INPP5D: variants seen among roughly 807,000 people sequenced by gnomAD.
The protein encoded by INPP5D is phosphatidylinositol 3,4,5-trisphosphate 5-phosphatase 1.
Under a neutral mutation model 122.9 loss-of-function variants are expected in INPP5D, and 33 were observed. The ratio of observed to expected loss-of-function variants is 0.27; its 90% CI spans 0.20 to 0.36. The LOEUF (loss-of-function observed/expected upper bound fraction) is 0.36. Among genes scored for constraint, INPP5D ranks in the 10% least tolerant of loss-of-function variants. The pLI, the probability that INPP5D is intolerant of heterozygous loss-of-function variation, is 1.00. For missense variants in INPP5D, 1,053 were observed against 1,412.7 expected (o/e 0.75, Z 4.08); for synonymous variants, 584 against 576.2 (o/e 1.01, Z -0.19).
chr2:233,067,097 C>T (rs116779412), intron 1 of INPP5D, among the ~76,000 whole-genome samples: 8,450 of 152,206 alleles, frequency 0.056, 622 homozygotes, highest in African/African-American at 0.17. Flanking sequence ...AATTCTTTAT[C>T]GTGCTTTTAG....
chr2:233,064,995 C>T (rs953901968), intron 1 of INPP5D, among the ~76,000 whole-genome samples: 1 of 152,242 alleles, frequency 6.6e-6, no homozygotes, highest in Non-Finnish European at 1.5e-5. Context: ...TGACATCTGG[C>T]TCACACCAGA....
At chr2:233,061,822 C>T (rs922576567) in intron 1 of INPP5D, among the ~76,000 whole-genome samples, 6 of 152,244 alleles carry the variant, frequency 3.9e-5, no homozygotes, top group African/African-American at 1.4e-4. Context: ...GTGGCCCAAC[C>T]TCTCCTGCTC....
At chr2:233,085,686 G>C (rs1277108062) in intron 2 of INPP5D, among the ~76,000 whole-genome samples, 1 of 152,026 alleles carries the variant, frequency 6.6e-6, no homozygotes, top group Non-Finnish European at 1.5e-5. Context: ...AGAAAGCCAA[G>C]CCTCCCCCCG....
At chr2:233,101,722 TATATA>T (rs1406775912) in intron 2 of INPP5D, among the ~76,000 whole-genome samples, 1 of 146,154 alleles carries the variant, frequency 6.8e-6, no homozygotes, top group African/African-American at 2.5e-5. Context: ...ATATATATTA[TATATA>T]ATATAAATAT....
intron 1 of INPP5D, among the ~76,000 whole-genome samples, chr2:233,067,487 T>C (rs1691261374): frequency 6.6e-6 from 1 of 152,364 alleles, no homozygotes; most frequent in Middle Eastern, 3.4e-3. Context: ...CTATAATGAA[T>C]AATGCTGTGA....
chr2:233,133,922 G>A, intron 5 of INPP5D: 1 of 455,564 alleles, frequency 2.2e-6, no homozygotes, highest in South Asian at 1.6e-5. Context: ...GTTATACACA[G>A]GCTCTGGCAC....
chr2:233,060,467 C>G lies in INPP5D; in HGVS notation c.-12C>G, dbSNP rs746788313. The G allele has an allele frequency of 1.9e-6, 3 of 1,594,868 alleles. No individual in the cohort carries two copies. Among genetic ancestry groups the G allele is most frequent in the Non-Finnish European group, 1.7e-6 (2 of 1,170,026 alleles). Reference sequence around the variant, plus strand: ...GTGCCTGCCGGCCCGGCCGAGGAGGCCCACGCCCACCATGGTCCCCTGCTG... The same window carrying G: ...GTGCCTGCCGGCCCGGCCGAGGAGGGCCACGCCCACCATGGTCCCCTGCTG... On this transcript the variant is annotated 5_prime_UTR_variant, in exon 1 of 27. Coordinates refer to ENST00000445964, the MANE Select transcript of INPP5D (RefSeq NM_001017915.3).
At position 233,188,969 on chromosome 2, in the gene INPP5D, C is replaced by T. The variant is rs145215831; in HGVS notation, c.2359-881C>T. On this transcript the variant is annotated intron_variant, in intron 21 of 26. Coordinates refer to ENST00000445964, the MANE Select transcript of INPP5D (RefSeq NM_001017915.3). This position sits in a 1 kb window ranked among gnomAD's most constrained non-coding sequence, Gnocchi z 4.7. ...GTGTCTGGAAAGGAAGGGAGGGAAT[C>T]GCCTAGAACAAAGTATCACCTTTTT... Among the ~76,000 whole-genome samples, 350 of 152,310 alleles carry T rather than the reference C, an allele frequency of 2.3e-3. 8 individuals are homozygous for T. In the East Asian group the frequency reaches 0.059, roughly 26 times the overall value.
chr2:233,161,915 A>T, intron 11 of INPP5D, 89 bp downstream of exon 11: 2 of 1,499,780 alleles, frequency 1.3e-6, no homozygotes, highest in Non-Finnish European at 1.8e-6. Context: ...GAGTGACGAC[A>T]TCCATGTCCC....
chr2:233,153,568 C>A (rs1382766408), intron 9 of INPP5D, among the ~76,000 whole-genome samples: 1 of 152,174 alleles, frequency 6.6e-6, no homozygotes, highest in African/African-American at 2.4e-5. Context: ...CTGACTCACA[C>A]AAAACCCACA....
chr2:233,077,447 G>A (rs748192982), intron 1 of INPP5D, among the ~76,000 whole-genome samples: 22 of 152,114 alleles, frequency 1.4e-4, no homozygotes, highest in Middle Eastern at 3.4e-3. Context: ...GATCACCTGA[G>A]GTCAGGAGTC....
rs1185594662 is a variant in INPP5D at position 233,183,295 on chromosome 2, A to G, written c.2161+796A>G. On this transcript the variant is annotated intron_variant, in intron 19 of 26. Transcript: ENST00000445964. The surrounding 1 kb of genome is among the most constrained non-coding windows in gnomAD (Gnocchi z 4.6). ...AAGACCAAGCGTAGGGGACCCAAAT[A>G]CAGGGAAAGACCATCTTGCTCTGTG... Among the ~76,000 whole-genome samples the G allele has an allele frequency of 6.6e-6, 1 of 152,078 alleles. No individual in the cohort carries two copies. The highest frequency in any genetic ancestry group is 6.5e-5 in the Admixed American group (1 of 15,272).
chr2:233,142,703 C>T (rs915071473), intron 6 of INPP5D, among the ~76,000 whole-genome samples: 13 of 152,196 alleles, frequency 8.5e-5, no homozygotes, highest in Admixed American at 6.5e-4. Context: ...CCTGCCTTGG[C>T]GCCCACTTCC....
At chr2:233,185,715 A>T (rs58058620) in intron 20 of INPP5D, 128 bp from the exon 21 acceptor site, 5,878 of 42,246 alleles carry the variant, frequency 0.14, 279 homozygotes, top group African/African-American at 0.41. Flanking sequence ...GCCCCGAGAT[A>T]AAAAAAAAAA....
intron 11 of INPP5D, among the ~76,000 whole-genome samples, chr2:233,162,663 C>T (rs887546259): frequency 6.6e-6 from 1 of 152,188 alleles, no homozygotes; most frequent in African/African-American, 2.4e-5. Flanking sequence ...TGGAATTTCA[C>T]TGGGTGTCGT....
At chr2:233,074,492 T>C (rs979090005) in intron 1 of INPP5D, among the ~76,000 whole-genome samples, 2 of 152,224 alleles carry the variant, frequency 1.3e-5, no homozygotes, top group Non-Finnish European at 2.9e-5. Flanking sequence ...CTCTTTTCAT[T>C]CATCAACTTT....
At chr2:233,066,089 C>T (rs1691219307) in intron 1 of INPP5D, among the ~76,000 whole-genome samples, 1 of 152,148 alleles carries the variant, frequency 6.6e-6, no homozygotes, top group Admixed American at 6.5e-5. Context: ...TCCCGAGTAG[C>T]TGGTATTCCA....
At chr2:233,190,978 G>T (rs1695042441) in intron 22 of INPP5D, among the ~76,000 whole-genome samples, 1 of 152,212 alleles carries the variant, frequency 6.6e-6, no homozygotes. Flanking sequence ...CAGTAAAAAA[G>T]GAGAGAAGCG....
At chr2:233,172,975 G>A (rs1422036474) in intron 17 of INPP5D, among the ~76,000 whole-genome samples, 6 of 152,306 alleles carry the variant, frequency 3.9e-5, no homozygotes, top group East Asian at 1.9e-4. Flanking sequence ...TTGGGAGGCC[G>A]AGGTGGGTGG....
Sources: gnomAD v4.1 joint callset for allele counts (sites outside exome capture counted in the v4.1 genomes callset) on GRCh38, gnomAD v4.1.1 for gene constraint, Gnocchi (gnomAD v3.1) non-coding constraint, MANE v1.5 for transcripts, NCBI Gene and HGNC (gene_info 2026-07-23, HGNC 2026-07-21) for gene names.